The following PCP4 variants were observed in gnomAD, a reference collection of about 807,000 sequenced individuals.
PCP4 encodes the protein Purkinje cell protein 4, also known as calmodulin regulator protein PCP4.
Under a neutral mutation model 10.0 loss-of-function variants are expected in PCP4, and 8 were observed. The ratio of observed to expected loss-of-function variants is 0.80; its 90% CI spans 0.47 to 1.45. The LOEUF (loss-of-function observed/expected upper bound fraction) is 1.45. PCP4 is among the 40% of genes most tolerant of loss of function. The pLI is 0.00. For missense variants in PCP4, 54 were observed against 74.4 expected, an observed-to-expected ratio of 0.73 and a Z score of 1.01; for synonymous variants, 21 against 23.0, an observed-to-expected ratio of 0.91 and a Z score of 0.24.
At chr21:39,877,531 TAA>T (rs397866347) in intron 1 of PCP4, among the ~76,000 whole-genome samples, 4,619 of 138,636 alleles carry the variant, frequency 0.033, 242 homozygotes, top group African/African-American at 0.11. Flanking sequence ...TACCAAAAAT[TAA>T]AAAAAAAAAA....
At chr21:39,905,439 G>C (rs2087502285) in intron 2 of PCP4, among the ~76,000 whole-genome samples, 1 of 152,160 alleles carries the variant, frequency 6.6e-6, no homozygotes, top group South Asian at 2.1e-4. Flanking sequence ...GGCATTTAAA[G>C]CCATCGCAGT....
chr21:39,914,479 G>A (rs1479956491), intron 2 of PCP4, among the ~76,000 whole-genome samples: 1 of 150,572 alleles, frequency 6.6e-6, no homozygotes, highest in African/African-American at 2.4e-5. Context: ...TACTCAGGAG[G>A]CTGAGGCAGG....
intron 1 of PCP4, among the ~76,000 whole-genome samples, chr21:39,880,598 T>A (rs994932599): frequency 6.6e-6 from 1 of 152,212 alleles, no homozygotes; most frequent in Non-Finnish European, 1.5e-5. Flanking sequence ...TGGTTGTTTA[T>A]CCAGGTGAAA....
intron 2 of PCP4, among the ~76,000 whole-genome samples, chr21:39,916,579 G>A (rs3887340): frequency 0.33 from 50,354 of 152,068 alleles, 8,759 homozygotes; most frequent in Middle Eastern, 0.41. Context: ...TCTAGAAGCA[G>A]AAATACCATT....
At chr21:39,889,410 TC>T (rs142293177) in intron 1 of PCP4, among the ~76,000 whole-genome samples, 2 of 131,110 alleles carry the variant, frequency 1.5e-5, no homozygotes, top group African/African-American at 2.9e-5. Flanking sequence ...CAAACCAAGT[TC>T]TTTTTTTTTT....
At chr21:39,887,766 C>T (rs35758592) in intron 1 of PCP4, among the ~76,000 whole-genome samples, 10,096 of 152,158 alleles carry the variant, frequency 0.066, 441 homozygotes, top group Admixed American at 0.093. Context: ...GATTAGCCTT[C>T]GTCAAAATAA....
intron 1 of PCP4, among the ~76,000 whole-genome samples, chr21:39,875,702 T>C (rs2087342138): frequency 6.6e-6 from 1 of 152,236 alleles, no homozygotes; most frequent in Non-Finnish European, 1.5e-5. Flanking sequence ...AACTATGGAA[T>C]AGTGTCCACA....
At chr21:39,886,084 G>A (rs537608930) in intron 1 of PCP4, among the ~76,000 whole-genome samples, 3 of 152,108 alleles carry the variant, frequency 2.0e-5, no homozygotes, top group African/African-American at 4.8e-5. Context: ...TATTTGATTA[G>A]AGCCCATTCT....
chr21:39,909,544 C>A (rs964188579), intron 2 of PCP4, among the ~76,000 whole-genome samples: 1 of 152,158 alleles, frequency 6.6e-6, no homozygotes. Flanking sequence ...TTCCAGTTGC[C>A]ATTTCCTTTT....
At chr21:39,927,465 C>T (rs1319445517) in intron 2 of PCP4, among the ~76,000 whole-genome samples, 2 of 152,148 alleles carry the variant, frequency 1.3e-5, no homozygotes, top group Non-Finnish European at 2.9e-5. Flanking sequence ...CCAGCTTCCT[C>T]CACCCTCTCT....
intron 2 of PCP4, among the ~76,000 whole-genome samples, chr21:39,909,464 A>C (rs1601184918): frequency 6.6e-6 from 1 of 152,156 alleles, no homozygotes; most frequent in Non-Finnish European, 1.5e-5. Context: ...CCCTTCTCCT[A>C]TTCACTAAGG....
chr21:39,925,202 G>T (rs1392633485), intron 2 of PCP4, among the ~76,000 whole-genome samples: 1 of 152,178 alleles, frequency 6.6e-6, no homozygotes, highest in African/African-American at 2.4e-5. Flanking sequence ...CCCAGACAGT[G>T]GCTTTCTCAG....
rs139407258 is a variant in PCP4, at chr21:39,880,944, A to T, written c.9+13434A>T. Among the ~76,000 whole-genome samples, 5 of 152,302 alleles carry T rather than the reference A, an allele frequency of 3.3e-5. No homozygotes were observed. The East Asian group carries it at 9.6e-4, about 29-fold the overall frequency. On this transcript the variant is annotated intron_variant, in intron 1 of 2. Transcript: ENST00000328619. ...GGAATTTGAAACAAAATATGGAACAAATATCTATTATGAAGGAGGCACAGC... is the reference window on the plus strand; with the variant it reads ...GGAATTTGAAACAAAATATGGAACATATATCTATTATGAAGGAGGCACAGC...
intron 1 of PCP4, among the ~76,000 whole-genome samples, chr21:39,883,237 T>G (rs913899632): frequency 3.3e-5 from 5 of 151,842 alleles, no homozygotes; most frequent in African/African-American, 7.3e-5. Context: ...CTTGGTGGGG[T>G]TGGGGGGTGC....
intron 2 of PCP4, among the ~76,000 whole-genome samples, chr21:39,900,479 C>T (rs1416155495): frequency 6.6e-6 from 1 of 152,070 alleles, no homozygotes; most frequent in African/African-American, 2.4e-5. Flanking sequence ...AAGAAAAGAC[C>T]TGGAGCCAGT....
chr21:39,911,418 C>T (rs1359194231), intron 2 of PCP4, among the ~76,000 whole-genome samples: 1 of 152,168 alleles, frequency 6.6e-6, no homozygotes, highest in Non-Finnish European at 1.5e-5. Flanking sequence ...AGTGACTGGC[C>T]TCGAGGTGAG....
Position 39,885,465 on chromosome 21 carries a change from C to T in PCP4, c.10-13011C>T, listed in dbSNP as rs573122022. On this transcript the variant is annotated intron_variant, in intron 1 of 2. Transcript: ENST00000328619. The stretch of plus-strand genomic sequence containing the variant: ...GCAGCCGAGAAGGACATCAGGCTGG[C>T]GGCTGGGGAAACCTCTGGCTCGGGG... 6.7e-4 allele frequency among the ~76,000 whole-genome samples: 102 copies of T among 152,334 alleles called. 1 individual carries two copies. Among genetic ancestry groups the T allele is most frequent in the Middle Eastern group, 6.8e-3 (2 of 294 alleles).
At chr21:39,923,979 T>C (rs563691833) in intron 2 of PCP4, among the ~76,000 whole-genome samples, 1 of 152,340 alleles carries the variant, frequency 6.6e-6, no homozygotes, top group East Asian at 1.9e-4. Context: ...GAACAAATTT[T>C]AAGGATATTC....
intron 1 of PCP4, among the ~76,000 whole-genome samples, chr21:39,883,088 A>C (rs1005949042): frequency 6.6e-5 from 10 of 150,948 alleles, no homozygotes; most frequent in Non-Finnish European, 1.2e-4. Context: ...ATTCAACACC[A>C]ATTCAGGAAG....
Sources: gnomAD v4.1 joint callset for allele counts (sites outside exome capture counted in the v4.1 genomes callset) on GRCh38, gnomAD v4.1.1 for gene constraint, MANE v1.5 for transcripts, NCBI Gene and HGNC (gene_info 2026-07-23, HGNC 2026-07-21) for gene names.